The following DST variants were observed in gnomAD, a reference collection of about 807,000 sequenced individuals.
The protein encoded by DST is dystonin.
In DST, 253 loss-of-function variants were observed where a neutral mutation model predicts 875.2. The ratio of observed to expected loss-of-function variants is 0.29; its 90% CI spans 0.26 to 0.32. DST has a LOEUF of 0.32. Ranked by LOEUF, DST falls within the 10% of genes least tolerant of loss-of-function variation. The pLI is 1.00. For synonymous variants in DST, 3,124 were observed against 3,197.1 expected (o/e 0.98, Z 0.77); for missense variants, 8,287 against 9,111.6 (o/e 0.91, Z 3.68).
At position 56,611,814 on chromosome 6, in the gene DST, C is replaced by T. The variant is rs762293230; in HGVS notation, c.5059-218G>A. Among the ~76,000 whole-genome samples the T allele has an allele frequency of 1.7e-3, 260 of 152,182 alleles. 4 individuals are homozygous for T. The highest frequency in any genetic ancestry group is 7.2e-3 in the Admixed American group (110 of 15,282). ...AAGCTCCTCTCTCTATCCTTAATGC[C>T]GTCATTTTCAAGAGAAAATAATACA... is the stretch of plus-strand genomic sequence containing the variant. On this transcript the variant is annotated intron_variant, in intron 37 of 103. Transcript: ENST00000680361.
chr6:56,721,648 T>C (rs528639113), intron 5 of DST, among the ~76,000 whole-genome samples: 2 of 152,234 alleles, frequency 1.3e-5, no homozygotes, highest in Admixed American at 1.3e-4. Context: ...AGCAATATAC[T>C]GAACTGGCCT....
chr6:56,780,223 T>C (rs1170098277), intron 4 of DST, among the ~76,000 whole-genome samples: 1 of 151,976 alleles, frequency 6.6e-6, no homozygotes, highest in African/African-American at 2.4e-5. Context: ...TGATTTATAG[T>C]CCTTTGGGTA....
Position 56,463,607 on chromosome 6 carries a change from C to T in DST, c.22917G>A (p.Ala7639=), listed in dbSNP as rs567935553. The T allele has an allele frequency of 3.9e-5, 62 of 1,608,906 alleles. No individual in the cohort carries two copies. The highest frequency in any genetic ancestry group is 3.7e-4 in the African/African-American group (28 of 74,958). The change falls in exon 101 of 104, where the codon GCG becomes GCA. Residue 7639 remains alanine, a synonymous_variant. Coordinates refer to ENST00000680361, the MANE Select transcript of DST (RefSeq NM_001374736.1). ...CAGGGACCTGTGGGGAGGCCGCCTG[C>T]GCAGCCTGACTGGACACAGAAGTGG... is the stretch of plus-strand genomic sequence containing the variant. The part of the protein sequence containing the change: ...NRSTSVSSQA[A]QAASPQVPAT...
intron 4 of DST, among the ~76,000 whole-genome samples, chr6:56,837,827 T>C (rs1182829560): frequency 6.6e-6 from 1 of 151,920 alleles, no homozygotes; most frequent in Non-Finnish European, 1.5e-5. Flanking sequence ...TACAAAGCTT[T>C]TCCCCAGCCT....
intron 36 of DST, chr6:56,617,088 T>C: frequency 6.2e-7 from 1 of 1,613,998 alleles, no homozygotes; most frequent in South Asian, 1.1e-5. Flanking sequence ...TTAAGAGTTT[T>C]CTGAACTTCT....
At chr6:56,517,046 C>T (rs751956360) in intron 71 of DST, among the ~76,000 whole-genome samples, 152 bp downstream of exon 71, 1 of 152,112 alleles carries the variant, frequency 6.6e-6, no homozygotes, top group South Asian at 2.1e-4. Context: ...CACTGTTATT[C>T]TATAAACTTG....
In DST at chr6:56,527,749, T is replaced by TC; in HGVS notation, c.17681-16dup. 1 of 1,580,420 alleles carries TC rather than the reference T, an allele frequency of 6.3e-7. No individual in the cohort carries two copies. The highest frequency in any genetic ancestry group is 1.2e-5 in the South Asian group (1 of 85,396). The stretch of plus-strand genomic sequence containing the variant: ...AACTTCATCACCTAAAATTTCAAAG[T>TC]CACGTTATTTCTTATGAAGGAAAAA... On this transcript the variant is annotated splice_polypyrimidine_tract_variant and intron_variant, in intron 67 of 103. Coordinates refer to ENST00000680361, the MANE Select transcript of DST (RefSeq NM_001374736.1).
intron 4 of DST, among the ~76,000 whole-genome samples, chr6:56,744,834 T>C (rs2099567945): frequency 6.6e-6 from 1 of 152,208 alleles, no homozygotes; most frequent in African/African-American, 2.4e-5. Context: ...AGCTGCCACG[T>C]AGTTGAAATG....
At chr6:56,827,128 C>T (rs1203562389) in intron 4 of DST, among the ~76,000 whole-genome samples, 2 of 152,142 alleles carry the variant, frequency 1.3e-5, no homozygotes, top group African/African-American at 2.4e-5. Context: ...CAGTTCCAAA[C>T]GACCAACTTA....
intron 3 of DST, among the ~76,000 whole-genome samples, chr6:56,885,529 G>T (rs1263098501): frequency 6.6e-6 from 1 of 152,178 alleles, no homozygotes; most frequent in African/African-American, 2.4e-5. Context: ...CAAAATTCAT[G>T]TGTTGAAATT....
intron 3 of DST, among the ~76,000 whole-genome samples, chr6:56,894,463 C>T (rs1167271695): frequency 3.4e-5 from 2 of 59,586 alleles, no homozygotes; most frequent in African/African-American, 2.6e-4. Context: ...CCGGACGGGG[C>T]GGCTGGCCAG....
chr6:56,505,476 C>G (rs914300102), intron 77 of DST, among the ~76,000 whole-genome samples: 1 of 53,308 alleles, frequency 1.9e-5, no homozygotes, highest in African/African-American at 7.2e-5. Flanking sequence ...ACTTAGGTTA[C>G]AAAAGAAAAA....
chr6:56,678,585 G>A (rs191882590), intron 9 of DST, among the ~76,000 whole-genome samples: 1 of 152,252 alleles, frequency 6.6e-6, no homozygotes, highest in East Asian at 1.9e-4. Context: ...GGACAGGGTG[G>A]GCTGTGGGAG....
intron 27 of DST, among the ~76,000 whole-genome samples, chr6:56,633,354 G>A (rs939739947): frequency 6.7e-6 from 1 of 149,418 alleles, no homozygotes; most frequent in East Asian, 1.9e-4. Context: ...AGCCTCCCAA[G>A]TAGCTGGGAC....
chr6:56,553,521 C>T lies in DST; in HGVS notation c.15271G>A (p.Asp5091Asn), dbSNP rs148831744. ...NKSHPISAKL[D>N]VLESLIKDHK... Reference sequence around the variant, plus strand: ...TCTTTAATTAATGACTCCAAGACATCGAGTTTGGCAGATATTGGATGAGAT... The same window carrying T: ...TCTTTAATTAATGACTCCAAGACATTGAGTTTGGCAGATATTGGATGAGAT... The change falls in exon 61 of 104, where the codon GAT becomes AAT. Residue 5091 changes from aspartate (D) to asparagine (N), a missense_variant. By Grantham distance (23) the Asp-to-Asn change is conservative. This residue lies in a region of DST where 1,513 missense variants were observed against 1,677.8 expected (regional missense o/e 0.90). Transcript: ENST00000680361. The T allele has an allele frequency of 9.0e-5, 145 of 1,613,896 alleles. No individual in the cohort carries two copies. In the African/African-American group the frequency reaches 1.4e-3, roughly 16 times the overall value.
At position 56,645,866 on chromosome 6, in the gene DST, C is replaced by A. The variant is rs1346791801; in HGVS notation, c.1778G>T (p.Arg593Met). Residue 593 changes from arginine (R) to methionine (M), a missense_variant and splice_region_variant, in exon 15 of 104, where the codon AGG becomes ATG. Physicochemically the swap from Arg to Met is moderately conservative, Grantham distance 91 (BLOSUM62 -1). Coordinates refer to ENST00000680361, the MANE Select transcript of DST (RefSeq NM_001374736.1). The part of the protein sequence containing the change: ...REKALRPEVE[R>M]LEMLQQIANR... ...ATGGCAGAAAACACCTCTGGCCTAC[C>A]TTTCTACTTCTGGACGAAGGGCCTT... The A allele has an allele frequency of 6.2e-7, 1 of 1,613,068 alleles. No individual in the cohort carries two copies. Among genetic ancestry groups the A allele is most frequent in the Non-Finnish European group, 8.5e-7 (1 of 1,179,574 alleles).
At chr6:56,870,484 C>T (rs564465242) in intron 3 of DST, among the ~76,000 whole-genome samples, 8 of 150,510 alleles carry the variant, frequency 5.3e-5, no homozygotes, top group Admixed American at 2.6e-4. Context: ...ACAAAGCAGC[C>T]AGGCACAGTG....
chr6:56,625,351 C>T (rs1183313327), intron 34 of DST, 87 bp from the exon 35 acceptor site: 2 of 839,766 alleles, frequency 2.4e-6, no homozygotes, highest in East Asian at 4.9e-5. Flanking sequence ...ATAATTAGAA[C>T]CTAGATTCAC....
chr6:56,546,343 AT>A (rs569907370), intron 61 of DST, among the ~76,000 whole-genome samples: 3,140 of 100,568 alleles, frequency 0.031, 73 homozygotes, highest in Non-Finnish European at 0.048. Flanking sequence ...ATATATACAT[AT>A]TTCATATATA....
Sources: allele counts gnomAD v4.1 joint callset (sites outside exome capture counted in the v4.1 genomes callset), GRCh38; gene constraint gnomAD v4.1.1; regional missense constraint gnomAD v4.1.1; transcripts MANE v1.5; gene names NCBI Gene and HGNC (gene_info 2026-07-23, HGNC 2026-07-21).